The following KHDRBS2 variants were observed in gnomAD, a reference collection of about 807,000 sequenced individuals.
KHDRBS2 encodes KH domain-containing, RNA-binding, signal transduction-associated protein 2.
Under a neutral mutation model 44.3 loss-of-function variants are expected in KHDRBS2, and 26 were observed. The ratio of observed to expected loss-of-function variants is 0.59; its 90% CI spans 0.43 to 0.81. The LOEUF is 0.81. Ranked by LOEUF, KHDRBS2 falls within the 40% of genes least tolerant of loss-of-function variation. The pLI, the probability that KHDRBS2 is intolerant of heterozygous loss-of-function variation, is 0.00. For missense variants in KHDRBS2, 476 were observed against 433.1 expected (o/e 1.10, Z -0.88); for synonymous variants, 194 against 151.1 (o/e 1.28, Z -2.08).
At chr6:61,812,566 G>A (rs904351967) in intron 6 of KHDRBS2, among the ~76,000 whole-genome samples, 70 of 151,950 alleles carry the variant, frequency 4.6e-4, no homozygotes, top group African/African-American at 1.5e-3. Context: ...TGAAAAATAA[G>A]AGCCATTAAT....
intron 6 of KHDRBS2, among the ~76,000 whole-genome samples, chr6:61,887,440 G>GA (rs550074681): frequency 8.5e-4 from 129 of 152,046 alleles, no homozygotes; most frequent in African/African-American, 3.1e-3. Flanking sequence ...GAAGGTCAAT[G>GA]AAAAAAAGCT....
chr6:62,220,409 G>A (rs1366575809), intron 1 of KHDRBS2, among the ~76,000 whole-genome samples: 3 of 151,794 alleles, frequency 2.0e-5, no homozygotes, highest in Non-Finnish European at 4.4e-5. Context: ...ACAATATTTT[G>A]GTGGAAATTA....
At chr6:61,579,332 A>G in the KHDRBS2 span, among the ~76,000 whole-genome samples, 1 of 152,216 alleles carries the variant, frequency 6.6e-6, no homozygotes, top group African/African-American at 2.4e-5. Flanking sequence ...ATACCATATT[A>G]CAACTATCAG....
At chr6:62,033,074 C>A (rs1236312019) in intron 3 of KHDRBS2, among the ~76,000 whole-genome samples, 2 of 151,670 alleles carry the variant, frequency 1.3e-5, no homozygotes, top group Non-Finnish European at 2.9e-5. Flanking sequence ...AACTGGCATA[C>A]TAAAGAATAC....
At chr6:61,978,258 A>G (rs1773122551) in intron 3 of KHDRBS2, 46 bp from the exon 4 acceptor site, 1 of 1,461,376 alleles carries the variant, frequency 6.8e-7, no homozygotes, top group Non-Finnish European at 9.4e-7. Flanking sequence ...CTCATTTTAC[A>G]TTGATTTAAC....
At chr6:62,006,298 AAC>A (rs1779209987) in intron 3 of KHDRBS2, among the ~76,000 whole-genome samples, 1 of 152,060 alleles carries the variant, frequency 6.6e-6, no homozygotes, top group South Asian at 2.1e-4. Context: ...CTGAGAGTAA[AAC>A]ACTGCCAATC....
the KHDRBS2 span, among the ~76,000 whole-genome samples, chr6:61,582,833 T>A: frequency 6.6e-6 from 1 of 151,804 alleles, no homozygotes; most frequent in Non-Finnish European, 1.5e-5. Context: ...CTGTATAATT[T>A]ATTTTATGCA....
chr6:61,723,337 G>C (rs946945104), intron 7 of KHDRBS2, among the ~76,000 whole-genome samples: 1 of 152,044 alleles, frequency 6.6e-6, no homozygotes, highest in African/African-American at 2.4e-5. Context: ...TTCTCCAAAT[G>C]ACCACAACAC....
At chr6:62,007,874 CAT>C (rs1779553442) in intron 3 of KHDRBS2, among the ~76,000 whole-genome samples, 1 of 152,082 alleles carries the variant, frequency 6.6e-6, no homozygotes, top group Non-Finnish European at 1.5e-5. Context: ...AACTAGAACA[CAT>C]ATGTTGTGCA....
chr6:61,575,722 G>T, the KHDRBS2 span, among the ~76,000 whole-genome samples: 1 of 152,246 alleles, frequency 6.6e-6, no homozygotes, highest in East Asian at 1.9e-4. Flanking sequence ...AGCAACCAAT[G>T]AGTGGATAAA....
At chr6:62,155,013 A>C (rs1288481618) in intron 2 of KHDRBS2, among the ~76,000 whole-genome samples, 1 of 152,222 alleles carries the variant, frequency 6.6e-6, no homozygotes, top group South Asian at 2.1e-4. Flanking sequence ...TTTGTGAAAA[A>C]TAAATCAGAA....
the KHDRBS2 span, among the ~76,000 whole-genome samples, chr6:61,549,527 A>C: frequency 6.6e-6 from 1 of 152,150 alleles, no homozygotes; most frequent in Non-Finnish European, 1.5e-5. Flanking sequence ...GACAAATAAA[A>C]TGTAATGAGA....
At chr6:61,697,362 C>T (rs1269609785) in intron 7 of KHDRBS2, 109 bp from the exon 8 acceptor site, 8 of 731,264 alleles carry the variant, frequency 1.1e-5, no homozygotes, top group Admixed American at 2.0e-5. Flanking sequence ...ATTCCAGGAA[C>T]TTCAAGGCAT....
At chr6:62,106,846 T>A (rs990841402) in intron 2 of KHDRBS2, among the ~76,000 whole-genome samples, 4 of 151,932 alleles carry the variant, frequency 2.6e-5, no homozygotes, top group Non-Finnish European at 5.9e-5. Flanking sequence ...AAAAACCACA[T>A]GATTATCTCA....
intron 3 of KHDRBS2, among the ~76,000 whole-genome samples, chr6:61,979,708 C>G (rs1773446522): frequency 6.6e-6 from 1 of 152,100 alleles, no homozygotes; most frequent in Admixed American, 6.6e-5. Flanking sequence ...TTTCTTAGTG[C>G]CCAATTATCA....
intron 6 of KHDRBS2, among the ~76,000 whole-genome samples, chr6:61,740,402 T>C (rs1477790360): frequency 2.0e-5 from 3 of 151,816 alleles, no homozygotes; most frequent in African/African-American, 7.2e-5. Flanking sequence ...GTCTGAATTG[T>C]TTTCTATAAC....
chr6:62,194,888 C>G (rs565388901), intron 1 of KHDRBS2, among the ~76,000 whole-genome samples: 2 of 152,026 alleles, frequency 1.3e-5, no homozygotes, highest in South Asian at 4.2e-4. Context: ...TATGTTCATC[C>G]TTTTCACAAT....
chr6:61,901,925 T>C (rs1804120918), intron 4 of KHDRBS2, among the ~76,000 whole-genome samples: 1 of 152,192 alleles, frequency 6.6e-6, no homozygotes, highest in African/African-American at 2.4e-5. Context: ...AACAGTTTGA[T>C]GTGAAATATT....
chr6:62,238,563 T>C (rs1432382588), intron 1 of KHDRBS2, among the ~76,000 whole-genome samples: 1 of 152,090 alleles, frequency 6.6e-6, no homozygotes, highest in Non-Finnish European at 1.5e-5. Context: ...AGAATTCAAG[T>C]TTCTTAATGT....
Sources: gnomAD v4.1 joint callset for allele counts (sites outside exome capture counted in the v4.1 genomes callset) on GRCh38, gnomAD v4.1.1 for gene constraint, MANE v1.5 for transcripts, NCBI Gene and HGNC (gene_info 2026-07-23, HGNC 2026-07-21) for gene names.